The following OXR1 variants were observed in gnomAD, a reference collection of about 807,000 sequenced individuals.
The protein encoded by OXR1 is oxidation resistance protein 1.
In OXR1, 41 loss-of-function variants were observed where a neutral mutation model predicts 104.6. That is an observed-to-expected ratio of 0.39 (90% CI 0.31 to 0.51). OXR1 has a LOEUF of 0.51. OXR1 is among the 20% of genes least tolerant of loss of function. The pLI is 0.77. For synonymous variants in OXR1, 348 were observed against 348.4 expected, an observed-to-expected ratio of 1.00 and a Z score of 0.01; for missense variants, 955 against 1,031.9, an observed-to-expected ratio of 0.93 and a Z score of 1.02.
At chr8:106,658,107 A>G in intron 3 of OXR1, 1 of 1,247,684 alleles carries the variant, frequency 8.0e-7, no homozygotes, top group Non-Finnish European at 1.0e-6. Flanking sequence ...AGATTACCTG[A>G]GGGAGCCAGC....
chr8:106,387,136 C>A (rs1817407315), intron 2 of OXR1, among the ~76,000 whole-genome samples: 2 of 152,268 alleles, frequency 1.3e-5, no homozygotes, highest in South Asian at 4.1e-4. Context: ...TGAGAGTGAG[C>A]ATTAGTGCCA....
intron 3 of OXR1, among the ~76,000 whole-genome samples, chr8:106,566,002 A>G (rs900353865): frequency 2.6e-5 from 4 of 152,216 alleles, no homozygotes; most frequent in African/African-American, 9.6e-5. Flanking sequence ...TAAATGTCAG[A>G]CTCAAAACCA....
At chr8:106,711,354 T>C (rs1831669062) in intron 10 of OXR1, among the ~76,000 whole-genome samples, 1 of 152,130 alleles carries the variant, frequency 6.6e-6, no homozygotes, top group South Asian at 2.1e-4. Context: ...TTATAACAAC[T>C]TTCCCTGTAC....
intron 10 of OXR1, 96 bp downstream of exon 10, chr8:106,710,886 A>G: frequency 1.3e-6 from 1 of 774,986 alleles, no homozygotes; most frequent in Non-Finnish European, 1.9e-6. Flanking sequence ...CTATTGAAAC[A>G]TAGTTTATGA....
At chr8:106,552,049 A>G (rs988090749) in intron 3 of OXR1, among the ~76,000 whole-genome samples, 1 of 151,830 alleles carries the variant, frequency 6.6e-6, no homozygotes, top group African/African-American at 2.4e-5. Context: ...TGACAGAGCG[A>G]GACCTGGTCT....
chr8:106,380,019 G>C (rs969866205), intron 2 of OXR1, among the ~76,000 whole-genome samples: 8 of 152,048 alleles, frequency 5.3e-5, no homozygotes, highest in Non-Finnish European at 8.8e-5. Flanking sequence ...ACAGAGTTTT[G>C]CTTTTATTGC....
intron 2 of OXR1, among the ~76,000 whole-genome samples, chr8:106,437,602 T>C (rs1819629803): frequency 6.6e-6 from 1 of 152,110 alleles, no homozygotes; most frequent in African/African-American, 2.4e-5. Context: ...GAGGACACTA[T>C]TAGGAACCAA....
At chr8:106,339,951 T>C (rs1229138868) in intron 1 of OXR1, among the ~76,000 whole-genome samples, 2 of 152,132 alleles carry the variant, frequency 1.3e-5, no homozygotes, top group African/African-American at 4.8e-5. Context: ...AATCAATAAA[T>C]ATTAGCTTTT....
intron 2 of OXR1, among the ~76,000 whole-genome samples, chr8:106,389,226 C>T (rs1244025180): frequency 1.3e-5 from 2 of 152,108 alleles, no homozygotes; most frequent in African/African-American, 4.8e-5. Context: ...TCAAGCAATG[C>T]CTGCTACATG....
intron 2 of OXR1, among the ~76,000 whole-genome samples, chr8:106,414,236 G>C (rs1818578965): frequency 6.6e-6 from 1 of 152,096 alleles, no homozygotes; most frequent in African/African-American, 2.4e-5. Flanking sequence ...CACTGCCAAT[G>C]ATTTATCAGT....
At position 106,628,685 on chromosome 8, in the gene OXR1, T is replaced by C. The variant is rs550120933; in HGVS notation, c.221-50525T>C. Among the ~76,000 whole-genome samples, 19 of 152,340 alleles carry C rather than the reference T, an allele frequency of 1.2e-4. 1 individual carries two copies. The South Asian group carries it at 3.9e-3, about 32-fold the overall frequency. On this transcript the variant is annotated intron_variant, in intron 3 of 16. Coordinates refer to ENST00000517566, the MANE Select transcript of OXR1 (RefSeq NM_001198533.2). The stretch of plus-strand genomic sequence containing the variant: ...CCTCACTTCTTGGACTCTTTCTAGA[T>C]GTCCCATCCCCTCTCTGCTATCCTC...
chr8:106,341,595 C>T (rs575527860), intron 1 of OXR1, among the ~76,000 whole-genome samples: 1 of 152,216 alleles, frequency 6.6e-6, no homozygotes, highest in South Asian at 2.1e-4. Flanking sequence ...CTGTCCTGTT[C>T]ACCATCTGCT....
At chr8:106,385,437 T>C (rs1354562487) in intron 2 of OXR1, among the ~76,000 whole-genome samples, 1 of 152,198 alleles carries the variant, frequency 6.6e-6, no homozygotes, top group East Asian at 1.9e-4. Flanking sequence ...CTTACGTAAA[T>C]TTTTTAAAAG....
chr8:106,448,436 T>A (rs2130607807), intron 2 of OXR1, among the ~76,000 whole-genome samples: 1 of 152,264 alleles, frequency 6.6e-6, no homozygotes, highest in South Asian at 2.1e-4. Flanking sequence ...TTTAAATGGC[T>A]TAGAGAGATA....
At chr8:106,532,824 T>C (rs1215359206) in intron 3 of OXR1, among the ~76,000 whole-genome samples, 1 of 152,192 alleles carries the variant, frequency 6.6e-6, no homozygotes, top group East Asian at 1.9e-4. Context: ...AAGGATAAAA[T>C]GCATAACAAT....
chr8:106,735,755 T>C (rs1469780257), intron 11 of OXR1, among the ~76,000 whole-genome samples: 1 of 152,144 alleles, frequency 6.6e-6, no homozygotes, highest in African/African-American at 2.4e-5. Context: ...TTATTTTTAG[T>C]ACCTAATTTT....
chr8:106,578,155 A>C (rs1817988166), intron 3 of OXR1, among the ~76,000 whole-genome samples: 1 of 152,212 alleles, frequency 6.6e-6, no homozygotes, highest in East Asian at 1.9e-4. Flanking sequence ...TGCATATTTA[A>C]CTGTGCTTAC....
chr8:106,737,438 CTCT>C (rs1259393035), intron 11 of OXR1, 79 bp from the exon 12 acceptor site: 26 of 323,882 alleles, frequency 8.0e-5, no homozygotes, highest in Middle Eastern at 5.0e-4. Context: ...TTAATTTCTC[CTCT>C]TTTTTTTTTT....
intron 2 of OXR1, among the ~76,000 whole-genome samples, chr8:106,396,442 TAATTATGAGAAAAAA>T (rs1047909703): frequency 6.6e-6 from 1 of 152,060 alleles, no homozygotes; most frequent in African/African-American, 2.4e-5. Flanking sequence ...AGTCCTAGTC[TAATTATGAGAAAAAA>T]AATTATGAAA....
Sources: gnomAD v4.1 joint callset for allele counts (sites outside exome capture counted in the v4.1 genomes callset) on GRCh38, gnomAD v4.1.1 for gene constraint, MANE v1.5 for transcripts, NCBI Gene and HGNC (gene_info 2026-07-23, HGNC 2026-07-21) for gene names.